Variants in PDCL3 observed in about 807,000 individuals in gnomAD.
PDCL3 encodes the protein phosducin like 3.
PDCL3 carries 22 observed loss-of-function variants against 26.5 expected under a neutral mutation model. The observed-to-expected ratio is 0.83, with a 90% CI of 0.59 to 1.19. PDCL3 has a LOEUF of 1.19. Ranked by LOEUF, PDCL3 falls within the 50% of genes most tolerant of loss-of-function variation. The pLI is 0.00. For missense variants in PDCL3, 246 were observed against 294.1 expected (o/e 0.84, Z 1.20); for synonymous variants, 81 against 104.9 (o/e 0.77, Z 1.39).
At position 100,571,661 on chromosome 2, in the gene PDCL3, T is replaced by C. The variant is rs765180933; in HGVS notation, c.440T>C (p.Ile147Thr). ...AGGAAGTTTCCTGATGTCAAATTTA[T>C]CAAAGCCATTTCAACAACCTGCATA... ...LARKFPDVKF[I>T]KAISTTCIPN... Residue 147 changes from isoleucine to threonine, a missense_variant, in exon 5 of 6, where the codon ATC becomes ACC. Physicochemically the swap from Ile to Thr is moderately conservative, Grantham distance 89. Coordinates refer to ENST00000264254, the MANE Select transcript of PDCL3 (RefSeq NM_024065.5). 1.4e-5 allele frequency: 22 copies of C among 1,613,508 alleles called. No homozygotes were observed. The South Asian group carries it at 2.1e-4, about 15-fold the overall frequency.
chr2:100,569,630 G>A lies in PDCL3; in HGVS notation c.277G>A (p.Glu93Lys), dbSNP rs1393581184. 1 of 1,614,008 alleles carries A rather than the reference G, an allele frequency of 6.2e-7. No homozygotes were observed. Among genetic ancestry groups the A allele is most frequent in the Admixed American group, 1.7e-5 (1 of 59,990 alleles). ...AACTAAACTGAAGAATAAATTCGGAGAAGTTTTGGAGATCTCAGGGAAGGA... is the reference window on the plus strand; with the variant it reads ...AACTAAACTGAAGAATAAATTCGGAAAAGTTTTGGAGATCTCAGGGAAGGA... ...KATKLKNKFG[E>K]VLEISGKDYV... The change falls in exon 4 of 6, where the codon GAA becomes AAA. Residue 93 changes from glutamate to lysine, a missense_variant. Transcript: ENST00000264254.
At chr2:100,563,680 A>T (rs1472112256) in intron 1 of PDCL3, among the ~76,000 whole-genome samples, 2 of 149,334 alleles carry the variant, frequency 1.3e-5, no homozygotes, top group Non-Finnish European at 3.0e-5. Flanking sequence ...GCTGCAATTT[A>T]CTAGCGGAAT....
chr2:100,569,456 G>C, intron 3 of PDCL3, 122 bp from the exon 4 acceptor site: 1 of 1,202,482 alleles, frequency 8.3e-7, no homozygotes, highest in African/African-American at 1.5e-5. Flanking sequence ...TTAGCAAACT[G>C]ATCTTAGATT....
intron 1 of PDCL3, among the ~76,000 whole-genome samples, chr2:100,564,458 G>A (rs1012990210): frequency 1.3e-5 from 2 of 152,016 alleles, no homozygotes; most frequent in African/African-American, 2.4e-5. Context: ...CACCACTCCC[G>A]GGTAATTTTT....
chr2:100,564,075 G>A (rs1297141502), intron 1 of PDCL3, among the ~76,000 whole-genome samples: 2 of 151,740 alleles, frequency 1.3e-5, no homozygotes, highest in African/African-American at 4.8e-5. Context: ...ACCACTCTGG[G>A]CTAATTTTTT....
intron 2 of PDCL3, among the ~76,000 whole-genome samples, chr2:100,568,095 G>A (rs974392828): frequency 5.3e-5 from 8 of 152,166 alleles, no homozygotes; most frequent in African/African-American, 1.2e-4. Context: ...GATTATAGGC[G>A]TGAGCCACTG....
Position 100,566,632 on chromosome 2 carries a change from G to A in PDCL3, c.133+3G>A. On this transcript the variant is annotated splice_donor_region_variant and intron_variant, in intron 2 of 5. Coordinates refer to ENST00000264254, the MANE Select transcript of PDCL3 (RefSeq NM_024065.5). ...GCGCATCCTCCAGCAGTCAGTGGGT[G>A]AGTTCACTCGCTTTCCTCTGCACCT... 6.2e-7 allele frequency: 1 copy of A among 1,613,744 alleles called. No individual in the cohort carries two copies. Among genetic ancestry groups the A allele is most frequent in the Non-Finnish European group, 8.5e-7 (1 of 1,179,830 alleles).
intron 4 of PDCL3, among the ~76,000 whole-genome samples, chr2:100,570,602 TGAGTAGCTGG>T (rs1486948441): frequency 6.6e-6 from 1 of 151,452 alleles, no homozygotes; most frequent in East Asian, 2.0e-4. Flanking sequence ...CCTCTGCTCC[TGAGTAGCTGG>T]GATTACAGGC....
chr2:100,568,662 T>C (rs1333076840), intron 2 of PDCL3, among the ~76,000 whole-genome samples: 3 of 151,786 alleles, frequency 2.0e-5, no homozygotes, highest in Non-Finnish European at 4.4e-5. Flanking sequence ...CGGGGCAGGG[T>C]GAGGCGGAAT....
intron 1 of PDCL3, among the ~76,000 whole-genome samples, chr2:100,564,156 C>T (rs1391753725): frequency 2.0e-5 from 3 of 151,974 alleles, no homozygotes; most frequent in Non-Finnish European, 2.9e-5. Flanking sequence ...GATGAGCCAC[C>T]GCACCTGGCC....
In PDCL3 at chr2:100,571,624, A is replaced by C. The variant is rs370314308; in HGVS notation, c.403A>C (p.Ser135Arg). 29 of 1,613,210 alleles carry C rather than the reference A, an allele frequency of 1.8e-5. No homozygotes were observed. The African/African-American group carries it at 2.9e-4, about 16-fold the overall frequency. ...PLCALINQHL[S>R]GLARKFPDVK... The stretch of plus-strand genomic sequence containing the variant: ...CTGTGCCCTGATAAATCAGCACCTC[A>C]GTGGACTTGCCAGGAAGTTTCCTGA... The change falls in exon 5 of 6, where the codon AGT (serine) becomes CGT (arginine). Residue 135 changes from serine to arginine, a missense_variant. By Grantham distance (110) the Ser-to-Arg change is moderately radical. Transcript: ENST00000264254.
At chr2:100,575,175 G>A (rs774446346) in intron 5 of PDCL3, among the ~76,000 whole-genome samples, 39 of 152,168 alleles carry the variant, frequency 2.6e-4, no homozygotes, top group African/African-American at 1.2e-4. Context: ...TCGCTGTGTC[G>A]CCCAGGCTGG....
At chr2:100,574,219 TG>T (rs1185577421) in intron 5 of PDCL3, among the ~76,000 whole-genome samples, 2 of 152,040 alleles carry the variant, frequency 1.3e-5, no homozygotes, top group African/African-American at 4.8e-5. Flanking sequence ...CTAGGCTGGT[TG>T]TGAACTCCTG....
chr2:100,567,819 T>G (rs1362956658), intron 2 of PDCL3, among the ~76,000 whole-genome samples: 1 of 151,632 alleles, frequency 6.6e-6, no homozygotes, highest in African/African-American at 2.4e-5. Flanking sequence ...GAGTGACATT[T>G]TCTCTTTTTT....
intron 1 of PDCL3, among the ~76,000 whole-genome samples, chr2:100,563,789 T>G (rs1675003455): frequency 6.6e-6 from 1 of 151,968 alleles, no homozygotes; most frequent in Admixed American, 6.6e-5. Context: ...TGTCCAAAGA[T>G]CCCGCAGTGG....
In PDCL3 at chr2:100,564,359, C is replaced by T. The variant is rs186600461; in HGVS notation, c.6+1286C>T. On this transcript the variant is annotated intron_variant, in intron 1 of 5. Coordinates refer to ENST00000264254, the MANE Select transcript of PDCL3 (RefSeq NM_024065.5). ...TCGCCCAGGCTGGAGTGCAGTGGCG[C>T]GACCTCGGCTCACTGCAAGCTCCGC... 2.8e-4 allele frequency among the ~76,000 whole-genome samples: 43 copies of T among 152,022 alleles called. No individual in the cohort carries two copies. In the East Asian group the frequency reaches 7.8e-3, roughly 27 times the overall value.
At chr2:100,571,899 A>G (rs1675183718) in intron 5 of PDCL3, 101 bp downstream of exon 5, 3 of 892,832 alleles carry the variant, frequency 3.4e-6, no homozygotes, top group South Asian at 3.1e-5. Context: ...TGGTGGGTCA[A>G]GTTCACTTCT....
chr2:100,568,137 T>A (rs1016070483), intron 2 of PDCL3, among the ~76,000 whole-genome samples: 1 of 152,170 alleles, frequency 6.6e-6, no homozygotes, highest in African/African-American at 2.4e-5. Flanking sequence ...AACTTGGAGA[T>A]CCCTATTAGA....
intron 5 of PDCL3, 62 bp downstream of exon 5, chr2:100,571,860 A>T (rs1376464162): frequency 2.6e-6 from 4 of 1,530,722 alleles, no homozygotes; most frequent in Non-Finnish European, 3.6e-6. Flanking sequence ...TGTTGGAGAG[A>T]GTGTCTATTT....
Sources: gnomAD v4.1 joint callset for allele counts (sites outside exome capture counted in the v4.1 genomes callset) on GRCh38, gnomAD v4.1.1 for gene constraint, MANE v1.5 for transcripts, NCBI Gene and HGNC (gene_info 2026-07-23, HGNC 2026-07-21) for gene names.